CNKSR1: variants seen among roughly 807,000 people sequenced by gnomAD.
CNKSR1 encodes CNK homolog protein 1.
In CNKSR1, 88 loss-of-function variants were observed where a neutral mutation model predicts 95.6. That is an observed-to-expected ratio of 0.92 (90% confidence interval 0.78 to 1.10). The LOEUF (loss-of-function observed/expected upper bound fraction) is 1.10. CNKSR1 is among the 50% of genes least tolerant of loss of function. The pLI is 0.00. For missense variants in CNKSR1, 836 were observed against 912.0 expected (o/e 0.92, Z 1.07); for synonymous variants, 355 against 369.7 (o/e 0.96, Z 0.46).
chr1:26,187,910 TG>T (rs2088783791), intron 16 of CNKSR1, among the ~76,000 whole-genome samples: 1 of 152,024 alleles, frequency 6.6e-6, no homozygotes, highest in Non-Finnish European at 1.5e-5. Flanking sequence ...TGTGAGCCAC[TG>T]CACCCGGCAT....
rs370866944 is a variant in CNKSR1, at chr1:26,184,371, C to T, written c.1001-30C>T. On this transcript the variant is annotated intron_variant, in intron 11 of 20. Coordinates refer to ENST00000361530, the MANE Select transcript of CNKSR1 (RefSeq NM_006314.3). ...CCAAGCCTGGGACTGGGCTCATAGA[C>T]TTTCCCTCTCTCTCCTCCCTCCCTG... The T allele has an allele frequency of 1.5e-4, 237 of 1,605,720 alleles. No homozygotes were observed. In the African/African-American group the frequency reaches 2.7e-3, roughly 18 times the overall value.
In CNKSR1 at chr1:26,189,531, C is replaced by T. The variant is rs769101310; in HGVS notation, c.2125C>T (p.Arg709Ter). 49 of 1,547,494 alleles carry T rather than the reference C, an allele frequency of 3.2e-5. No individual in the cohort carries two copies. Among genetic ancestry groups the T allele is most frequent in the South Asian group, 3.0e-4 (27 of 89,762 alleles). ...CCCCCTGACCTCAGAGAGCAGCCTC[C>T]GACCTCCTGACCTCTGACCCTGGCC... ...LCPLTSESSL[R>*]PPDL Residue 709 changes from arginine to a stop codon, truncating the protein, a stop_gained, in exon 21 of 21, where the codon CGA becomes TGA. Coordinates refer to ENST00000361530, the MANE Select transcript of CNKSR1 (RefSeq NM_006314.3). LOFTEE classifies it high-confidence loss of function.
chr1:26,177,649 T>G (rs1396103014), intron 1 of CNKSR1, 50 bp downstream of exon 1: 1 of 1,603,772 alleles, frequency 6.2e-7, no homozygotes, highest in East Asian at 2.2e-5. Flanking sequence ...AGGTGTGGTG[T>G]CCCACCGGGA....
rs201898585 is a variant in CNKSR1, at chr1:26,180,554, C to A, written c.154C>A (p.Arg52=). The change falls in exon 2 of 21, where the codon CGG becomes AGG. Residue 52 remains arginine (R), a synonymous_variant. Transcript: ENST00000361530. ...CCAAAGCCTCGAGGCTCTGGCTGTG[C>A]GGTCTCTGGGACACCAGGAGCTCAT... ...CPQSLEALAV[R]SLGHQELILG... The A allele has an allele frequency of 7.4e-6, 12 of 1,614,072 alleles. 1 individual carries two copies. Among genetic ancestry groups the A allele is most frequent in the African/African-American group, 2.7e-5 (2 of 74,932 alleles).
At chr1:26,183,003 T>C (rs2088673179) in intron 6 of CNKSR1, among the ~76,000 whole-genome samples, 194 bp from the exon 7 acceptor site, 1 of 152,062 alleles carries the variant, frequency 6.6e-6, no homozygotes, top group African/African-American at 2.4e-5. Context: ...TCCCTCTGGC[T>C]CTTAGCAGAG....
rs2088628713 is a variant in CNKSR1 at position 26,180,511 on chromosome 1, C to T, written c.111C>T (p.Asn37=). 3 of 1,614,222 alleles carry T rather than the reference C, an allele frequency of 1.9e-6. No individual in the cohort carries two copies. Among genetic ancestry groups the T allele is most frequent in the African/African-American group, 1.3e-5 (1 of 75,060 alleles). Residue 37 remains asparagine (N), a synonymous_variant, in exon 2 of 21, where the codon AAC becomes AAT. Transcript: ENST00000361530. ...AGGACTGGCAGCTGCCTGGCAAGAA[C>T]CTGCTCCAGCTCTGCCCCCAAAGCC... The part of the protein sequence containing the change: ...PFEDWQLPGK[N]LLQLCPQSLE...
At position 26,187,491 on chromosome 1, in the gene CNKSR1, C is replaced by T. The variant is rs772479228; in HGVS notation, c.1454+9C>T. 2.0e-5 allele frequency: 32 copies of T among 1,613,600 alleles called. No individual in the cohort carries two copies. The highest frequency in any genetic ancestry group is 6.6e-5 in the South Asian group (6 of 91,068). On this transcript the variant is annotated intron_variant, in intron 16 of 20. Transcript: ENST00000361530. ...CTGACAGATCTGAGCATGTGAGTGC[C>T]GCCTCCCTTAGCCCCTACTCTCATA...
intron 14 of CNKSR1, 128 bp downstream of exon 14, chr1:26,185,314 C>A: frequency 2.0e-6 from 2 of 999,358 alleles, no homozygotes; most frequent in Non-Finnish European, 1.5e-6. Flanking sequence ...AAAATGGGGA[C>A]TTTATTCAGA....
intron 14 of CNKSR1, 42 bp from the exon 15 acceptor site, chr1:26,187,126 T>TA: frequency 6.6e-7 from 1 of 1,512,742 alleles, no homozygotes; most frequent in Non-Finnish European, 9.2e-7. Flanking sequence ...GCCTTGAGGG[T>TA]ATTGGGGTTC....
intron 16 of CNKSR1, among the ~76,000 whole-genome samples, chr1:26,187,779 T>C (rs1266927340): frequency 2.0e-5 from 3 of 151,744 alleles, no homozygotes; most frequent in African/African-American, 7.3e-5. Flanking sequence ...CCTACCACCA[T>C]ACCCGGCTAA....
In CNKSR1 at chr1:26,189,511, T is replaced by G. The variant is rs761807196; in HGVS notation, c.2105T>G (p.Leu702Arg). 1 of 1,596,830 alleles carries G rather than the reference T, an allele frequency of 6.3e-7. No homozygotes were observed. ...GAAGAGCACTCCCATCTCTGCCCCCTGACCTCAGAGAGCAGCCTCCGACCT... is the reference window on the plus strand; with the variant it reads ...GAAGAGCACTCCCATCTCTGCCCCCGGACCTCAGAGAGCAGCCTCCGACCT... ...DPEEHSHLCP[L>R]TSESSLRPPD... The change falls in exon 21 of 21, where the codon CTG becomes CGG. Residue 702 changes from leucine to arginine, a missense_variant. By Grantham distance (102) the Leu-to-Arg change is moderately radical (BLOSUM62 -2). Transcript: ENST00000361530.
intron 1 of CNKSR1, among the ~76,000 whole-genome samples, chr1:26,178,392 G>GGTT (rs1396803821): frequency 6.6e-6 from 1 of 152,244 alleles, no homozygotes; most frequent in African/African-American, 2.4e-5. Context: ...AGACTGAAGA[G>GGTT]GTTGACACAG....
chr1:26,188,552 G>C, intron 18 of CNKSR1, 46 bp from the exon 19 acceptor site: 1 of 1,610,870 alleles, frequency 6.2e-7, no homozygotes, highest in Non-Finnish European at 8.5e-7. Flanking sequence ...ACAACAGGGC[G>C]TGGAGCTCAG....
At position 26,180,505 on chromosome 1, in the gene CNKSR1, C is replaced by A. The variant is rs2088628524; in HGVS notation, c.105C>A (p.Gly35=). The A allele has an allele frequency of 6.2e-7, 1 of 1,614,060 alleles. No individual in the cohort carries two copies. The highest frequency in any genetic ancestry group is 8.5e-7 in the Non-Finnish European group (1 of 1,180,052). ...DYPFEDWQLP[G]KNLLQLCPQS... ...CCTTTGAGGACTGGCAGCTGCCTGG[C>A]AAGAACCTGCTCCAGCTCTGCCCCC... The change falls in exon 2 of 21, where the codon GGC becomes GGA. Residue 35 remains glycine (G), a synonymous_variant. Transcript: ENST00000361530.
In CNKSR1 at chr1:26,189,462, C is replaced by A. The variant is rs1010861331; in HGVS notation, c.2056C>A (p.Pro686Thr). 6.2e-7 allele frequency: 1 copy of A among 1,614,052 alleles called. No homozygotes were observed. Residue 686 changes from proline (P) to threonine (T), a missense_variant, in exon 21 of 21, where the codon CCC (proline) becomes ACC (threonine). Pro to Thr is a conservative substitution (Grantham distance 38). Transcript: ENST00000361530. The stretch of plus-strand genomic sequence containing the variant: ...GACCTCTGACTCCACAGAACAGTCC[C>A]CCCACTCCCTGCCCTCTGACCCTGA... ...ILTSDSTEQS[P>T]HSLPSDPEEH...
Position 26,188,672 on chromosome 1 carries a change from A to G in CNKSR1, c.1665A>G (p.Pro555=). 2 of 1,613,768 alleles carry G rather than the reference A, an allele frequency of 1.2e-6. No homozygotes were observed. Among genetic ancestry groups the G allele is most frequent in the Non-Finnish European group, 1.7e-6 (2 of 1,179,856 alleles). Residue 555 remains proline, a synonymous_variant, in exon 19 of 21, where the codon CCA becomes CCG. Coordinates refer to ENST00000361530, the MANE Select transcript of CNKSR1 (RefSeq NM_006314.3). ...SPAATPTQRS[P]RTSFGSLTDS... is the part of the protein sequence containing the mutation. ...CAGCCACCCCCACACAGCGCAGCCCACGGACCTCCTTTGGCTCTCTGACAG... is the reference window on the plus strand; with the variant it reads ...CAGCCACCCCCACACAGCGCAGCCCGCGGACCTCCTTTGGCTCTCTGACAG...
intron 1 of CNKSR1, 67 bp from the exon 2 acceptor site, chr1:26,180,386 A>G (rs1372034380): frequency 6.3e-7 from 1 of 1,587,374 alleles, no homozygotes; most frequent in Non-Finnish European, 8.6e-7. Flanking sequence ...CTTTGCAGGC[A>G]TGAAGAACCA....
chr1:26,188,178 C>T (rs533466332), intron 16 of CNKSR1, 56 bp from the exon 17 acceptor site: 1 of 1,457,062 alleles, frequency 6.9e-7, no homozygotes, highest in East Asian at 2.3e-5. Flanking sequence ...AAGCCCCCAG[C>T]ATACAAGAGG....
At chr1:26,186,497 C>T (rs148062390) in intron 14 of CNKSR1, among the ~76,000 whole-genome samples, 3,628 of 151,820 alleles carry the variant, frequency 0.024, 56 homozygotes, top group Non-Finnish European at 0.037. Flanking sequence ...TTGTTTGAGA[C>T]GCAGTCTCGC....
Sources: gnomAD v4.1 joint callset for allele counts (sites outside exome capture counted in the v4.1 genomes callset) on GRCh38, gnomAD v4.1.1 for gene constraint, MANE v1.5 for transcripts, NCBI Gene and HGNC (gene_info 2026-07-23, HGNC 2026-07-21) for gene names.